RASA2: variants seen among roughly 807,000 people sequenced by gnomAD.
The protein encoded by RASA2 is ras GTPase-activating protein 2.
Under a neutral mutation model 118.2 loss-of-function variants are expected in RASA2, and 155 were observed. The ratio of observed to expected loss-of-function variants is 1.31; its 90% confidence interval spans 1.15 to 1.50. The LOEUF (loss-of-function observed/expected upper bound fraction) is 1.50. RASA2 is among the 40% of genes most tolerant of loss of function. The pLI, the probability that RASA2 is intolerant of heterozygous loss-of-function variation, is 0.00. For synonymous variants in RASA2, 353 were observed against 349.1 expected, an observed-to-expected ratio of 1.01 and a Z score of -0.12; for missense variants, 1,016 against 1,009.6, an observed-to-expected ratio of 1.01 and a Z score of -0.09.
At chr3:141,510,635 T>A (rs2081937132) in intron 1 of RASA2, among the ~76,000 whole-genome samples, 1 of 152,198 alleles carries the variant, frequency 6.6e-6, no homozygotes, top group Non-Finnish European at 1.5e-5. Context: ...CAAGGAAGAT[T>A]TCTCTGAGTT....
intron 19 of RASA2, among the ~76,000 whole-genome samples, chr3:141,597,215 A>G (rs2083387472): frequency 6.6e-6 from 1 of 152,198 alleles, no homozygotes; most frequent in South Asian, 2.1e-4. Flanking sequence ...AGCCTGGGCA[A>G]CATGGTGAAA....
At chr3:141,499,798 C>T (rs1373266332) in intron 1 of RASA2, among the ~76,000 whole-genome samples, 1 of 152,170 alleles carries the variant, frequency 6.6e-6, no homozygotes, top group African/African-American at 2.4e-5. Context: ...GGCATTTCGC[C>T]ATGTTAGCCA....
rs1037714740 is a variant in RASA2, at chr3:141,590,454, A to G, written c.1933+3702A>G. Among the ~76,000 whole-genome samples the G allele has an allele frequency of 2.2e-4, 34 of 152,202 alleles. 1 individual carries two copies. The highest frequency in any genetic ancestry group is 1.0e-4 in the Non-Finnish European group (7 of 68,038). The stretch of plus-strand genomic sequence containing the variant: ...CCTCTATTTTTTACAGTAGTGTCCT[A>G]TAAGTGAGGATGCAAGTGCTATGTT... On this transcript the variant is annotated intron_variant, in intron 19 of 23. Transcript: ENST00000286364.
At chr3:141,510,326 C>T (rs1163209816) in intron 1 of RASA2, among the ~76,000 whole-genome samples, 5 of 152,072 alleles carry the variant, frequency 3.3e-5, no homozygotes, top group African/African-American at 9.7e-5. Flanking sequence ...CTGATTTCAG[C>T]GCCCATACTT....
intron 4 of RASA2, among the ~76,000 whole-genome samples, chr3:141,539,926 T>G (rs2082383272): frequency 6.6e-6 from 1 of 152,202 alleles, no homozygotes; most frequent in Non-Finnish European, 1.5e-5. Flanking sequence ...TATGTTATCT[T>G]TTGTTTATTG....
intron 3 of RASA2, 70 bp from the exon 4 acceptor site, chr3:141,529,632 TATATAA>T: frequency 1.1e-6 from 1 of 927,532 alleles, no homozygotes; most frequent in Non-Finnish European, 1.6e-6. Context: ...TATAAAGTAT[TATATAA>T]AACAGTGCTA....
At chr3:141,587,431 G>C (rs2083221725) in intron 19 of RASA2, among the ~76,000 whole-genome samples, 1 of 152,220 alleles carries the variant, frequency 6.6e-6, no homozygotes, top group African/African-American at 2.4e-5. Context: ...TCCACAGAAG[G>C]CCAGGTGTGG....
intron 19 of RASA2, among the ~76,000 whole-genome samples, chr3:141,599,475 T>C (rs1403581014): frequency 6.6e-6 from 1 of 152,152 alleles, no homozygotes; most frequent in East Asian, 1.9e-4. Flanking sequence ...CTTTAATTTG[T>C]TTCCCCTTTC....
rs1418765585 is a variant in RASA2 at position 141,613,951 on chromosome 3, AT to A, written c.*1640del. Reference sequence around the variant, plus strand: ...TCCTTTAAATTTTATAAGCTTGTAGATTCCATAAACTACACTGATTTATACA... The same window carrying A: ...TCCTTTAAATTTTATAAGCTTGTAGATCCATAAACTACACTGATTTATACA... On this transcript the variant is annotated 3_prime_UTR_variant, in exon 24 of 24. Transcript: ENST00000286364. 6.6e-6 allele frequency: 1 copy of A among 152,224 alleles called. No individual in the cohort carries two copies. Among genetic ancestry groups the A allele is most frequent in the Admixed American group, 6.5e-5 (1 of 15,290 alleles). The allele number at this position is 152,224 out of a possible 1,614,324, so 9.4% of individuals were successfully genotyped here.
At chr3:141,571,135 G>A (rs1044309271) in intron 10 of RASA2, 67 bp downstream of exon 10, 18 of 1,462,788 alleles carry the variant, frequency 1.2e-5, no homozygotes, top group Middle Eastern at 2.1e-4. Flanking sequence ...AAATGATAAG[G>A]AAAAGATTTC....
intron 1 of RASA2, among the ~76,000 whole-genome samples, chr3:141,509,527 G>C (rs1255968264): frequency 2.6e-5 from 4 of 152,140 alleles, no homozygotes; most frequent in Non-Finnish European, 5.9e-5. Context: ...TTATTAAGTA[G>C]AAAATTATTA....
chr3:141,487,465 A>G (rs1460609440), intron 1 of RASA2, among the ~76,000 whole-genome samples: 2 of 143,136 alleles, frequency 1.4e-5, no homozygotes, highest in African/African-American at 5.3e-5. Flanking sequence ...GGGGTGGGAG[A>G]GCCCGGGCTG....
At chr3:141,605,432 A>C (rs1463268299) in intron 19 of RASA2, among the ~76,000 whole-genome samples, 1 of 152,152 alleles carries the variant, frequency 6.6e-6, no homozygotes, top group African/African-American at 2.4e-5. Flanking sequence ...TAACTGTGAA[A>C]TTAACCCTAA....
intron 13 of RASA2, among the ~76,000 whole-genome samples, chr3:141,573,447 C>G (rs1047275467): frequency 2.0e-5 from 3 of 152,108 alleles, no homozygotes; most frequent in Non-Finnish European, 4.4e-5. Flanking sequence ...CTTTTTGGCT[C>G]TAGTAACAAT....
Position 141,614,050 on chromosome 3 carries a change from T to C in RASA2, c.*1737T>C, listed in dbSNP as rs1363342598. 2 of 152,298 alleles carry C rather than the reference T, an allele frequency of 1.3e-5. No individual in the cohort carries two copies. Among genetic ancestry groups the C allele is most frequent in the Admixed American group, 6.5e-5 (1 of 15,292 alleles). 9.4% of individuals were successfully genotyped at this position (152,298 alleles called of 1,614,324 possible). A position where few individuals can be genotyped will look rare whatever the true frequency, so the allele number is the denominator to read the frequency against. On this transcript the variant is annotated 3_prime_UTR_variant, in exon 24 of 24. Transcript: ENST00000286364. ...TTTAGATTAAAATTCCTTTTAAGAG[T>C]GTCTGAAATGTCTGCCTGCGAAGAA... is the stretch of plus-strand genomic sequence containing the variant.
intron 3 of RASA2, among the ~76,000 whole-genome samples, chr3:141,523,152 G>A (rs1026749727): frequency 1.0e-4 from 15 of 148,502 alleles, no homozygotes; most frequent in Admixed American, 2.0e-4. Flanking sequence ...TTTTTGAGAC[G>A]AAGACTTGCC....
intron 19 of RASA2, 85 bp from the exon 20 acceptor site, chr3:141,607,593 G>A (rs1326849262): frequency 1.4e-6 from 2 of 1,380,244 alleles, no homozygotes; most frequent in Non-Finnish European, 1.9e-6. Context: ...AAGAGGATGA[G>A]CTTAAACCCT....
chr3:141,583,286 C>T (rs2083145358), intron 17 of RASA2, among the ~76,000 whole-genome samples: 1 of 151,758 alleles, frequency 6.6e-6, no homozygotes, highest in South Asian at 2.1e-4. Context: ...TTAGCCAGGC[C>T]TGGTGGCACG....
chr3:141,494,306 C>A (rs961721327), intron 1 of RASA2, among the ~76,000 whole-genome samples: 1 of 152,244 alleles, frequency 6.6e-6, no homozygotes, highest in Admixed American at 6.5e-5. Flanking sequence ...TTTCTTTATA[C>A]CCACGTAGGG....
Sources: allele counts gnomAD v4.1 joint callset (sites outside exome capture counted in the v4.1 genomes callset), GRCh38; gene constraint gnomAD v4.1.1; transcripts MANE v1.5; gene names NCBI Gene and HGNC (gene_info 2026-07-23, HGNC 2026-07-21).